Variants in NRG3 observed in about 807,000 individuals in gnomAD.
NRG3 encodes the protein neuregulin 3.
A neutral mutation model predicts 66.9 loss-of-function variants in NRG3; 31 were observed. That is an observed-to-expected ratio of 0.46 (90% CI 0.35 to 0.63). The LOEUF (loss-of-function observed/expected upper bound fraction) is 0.63. Among genes scored for constraint, NRG3 ranks in the 20% least tolerant of loss-of-function variants. NRG3 has a pLI of 0.00. For missense variants in NRG3, 910 were observed against 878.9 expected (o/e 1.04, Z -0.45); for synonymous variants, 393 against 359.4 (o/e 1.09, Z -1.06).
At chr10:82,883,205 T>G (rs541771656) in intron 4 of NRG3, among the ~76,000 whole-genome samples, 5 of 152,324 alleles carry the variant, frequency 3.3e-5, no homozygotes, top group African/African-American at 9.6e-5. Context: ...AGTCATGTTT[T>G]TGTTATTAAA....
rs768945621 is a variant in NRG3, at chr10:82,102,113, C to CAT, written c.823+225961_823+225962dup. ...GTATTCATATATATATATGTGTATT[C>CAT]ATATATATATATGTGTATTCATATA... On this transcript the variant is annotated intron_variant, in intron 1 of 8. Coordinates refer to ENST00000372141, the MANE Select transcript of NRG3 (RefSeq NM_001010848.4). Among the ~76,000 whole-genome samples, 15 of 86,006 alleles carry CAT rather than the reference C, an allele frequency of 1.7e-4. 1 individual carries two copies. Among genetic ancestry groups the CAT allele is most frequent in the Non-Finnish European group, 2.0e-4 (9 of 44,386 alleles). The allele number at this position is 86,006 out of a possible 152,430, so 56.4% of individuals were successfully genotyped here.
intron 4 of NRG3, among the ~76,000 whole-genome samples, chr10:82,912,482 T>C (rs1332182477): frequency 6.6e-6 from 1 of 152,194 alleles, no homozygotes; most frequent in Non-Finnish European, 1.5e-5. Context: ...TCACACCATA[T>C]TATTTTGGAT....
At chr10:82,698,315 A>T (rs2055560367) in intron 2 of NRG3, among the ~76,000 whole-genome samples, 1 of 152,128 alleles carries the variant, frequency 6.6e-6, no homozygotes, top group South Asian at 2.1e-4. Flanking sequence ...CTAGTGTAAA[A>T]CTGGTTAGTG....
chr10:82,928,581 A>G (rs1326097056), intron 4 of NRG3, among the ~76,000 whole-genome samples: 1 of 146,768 alleles, frequency 6.8e-6, no homozygotes, highest in Non-Finnish European at 1.5e-5. Flanking sequence ...TCCCAACACC[A>G]TTTATTTTTA....
At chr10:82,330,469 A>T (rs2082089869) in intron 1 of NRG3, among the ~76,000 whole-genome samples, 1 of 152,184 alleles carries the variant, frequency 6.6e-6, no homozygotes, top group African/African-American at 2.4e-5. Flanking sequence ...ATGAAATTCC[A>T]CTGTATGACT....
At chr10:81,877,849 A>G (rs1291023414) in intron 1 of NRG3, 2 of 1,478,370 alleles carry the variant, frequency 1.4e-6, no homozygotes, top group Non-Finnish European at 1.8e-6. Flanking sequence ...TGTTTTGTAG[A>G]AGGATAAAGG....
chr10:82,406,122 T>C (rs989547054), intron 2 of NRG3, among the ~76,000 whole-genome samples: 8 of 152,136 alleles, frequency 5.3e-5, no homozygotes, highest in Non-Finnish European at 1.0e-4. Context: ...TATGAACAAT[T>C]CATTATAAAG....
intron 1 of NRG3, among the ~76,000 whole-genome samples, chr10:82,319,896 C>T (rs1459913055): frequency 6.6e-6 from 1 of 152,200 alleles, no homozygotes; most frequent in South Asian, 2.1e-4. Context: ...TTGGCTGCAT[C>T]TTCAAGTCAT....
intron 1 of NRG3, chr10:82,232,700 C>T: frequency 4.2e-6 from 3 of 716,048 alleles, no homozygotes; most frequent in Non-Finnish European, 7.8e-6. Flanking sequence ...CAAGAGGAGA[C>T]ACAGGAGAGA....
chr10:82,321,828 C>T (rs1262830070), intron 1 of NRG3, among the ~76,000 whole-genome samples: 1 of 152,160 alleles, frequency 6.6e-6, no homozygotes, highest in Non-Finnish European at 1.5e-5. Context: ...TTTTCTCCCT[C>T]TAGTTAACAT....
At chr10:82,699,564 A>C (rs1285314960) in intron 2 of NRG3, among the ~76,000 whole-genome samples, 1 of 151,654 alleles carries the variant, frequency 6.6e-6, no homozygotes, top group Non-Finnish European at 1.5e-5. Flanking sequence ...TTTTTTTTAT[A>C]CTTGAAAATG....
rs530021189 is a variant in NRG3 at position 82,310,653 on chromosome 10, AT to A, written c.824-48077del. ...AATATGCCCAAAATTTCTTCCAATC[AT>A]TTTTTTTTCATTGCGAAATACCGTA... On this transcript the variant is annotated intron_variant, in intron 1 of 8. Transcript: ENST00000372141. Among the ~76,000 whole-genome samples the A allele has an allele frequency of 6.0e-5, 9 of 151,156 alleles. No homozygotes were observed. In the South Asian group the frequency reaches 1.3e-3, roughly 21 times the overall value.
chr10:82,617,152 TCACA>T (rs963999305), intron 2 of NRG3, among the ~76,000 whole-genome samples: 4 of 149,046 alleles, frequency 2.7e-5, no homozygotes, highest in African/African-American at 7.4e-5. Context: ...CACACACCAC[TCACA>T]CACACACCAC....
chr10:82,940,937 A>T (rs541088190), intron 4 of NRG3, among the ~76,000 whole-genome samples: 3 of 152,316 alleles, frequency 2.0e-5, no homozygotes, highest in Non-Finnish European at 2.9e-5. Flanking sequence ...GGTCATATGC[A>T]TATAGCTACT....
chr10:82,840,116 T>C (rs1182723441), intron 3 of NRG3, among the ~76,000 whole-genome samples: 1 of 152,190 alleles, frequency 6.6e-6, no homozygotes, highest in East Asian at 1.9e-4. Context: ...TTTACTTACT[T>C]AAGTGTAGCA....
intron 2 of NRG3, among the ~76,000 whole-genome samples, chr10:82,381,045 T>C (rs956431578): frequency 3.3e-5 from 5 of 152,244 alleles, no homozygotes; most frequent in African/African-American, 1.2e-4. Flanking sequence ...TGCAGTATGA[T>C]TTCTGTTAGA....
intron 3 of NRG3, among the ~76,000 whole-genome samples, chr10:82,857,281 A>G (rs1448857365): frequency 3.9e-5 from 6 of 152,240 alleles, no homozygotes. Flanking sequence ...TTAGAGAATG[A>G]TAAGAGATTA....
intron 2 of NRG3, among the ~76,000 whole-genome samples, chr10:82,461,606 T>A (rs2091518404): frequency 6.6e-6 from 1 of 152,258 alleles, no homozygotes; most frequent in Admixed American, 6.5e-5. Flanking sequence ...ACTGTTTGCT[T>A]ATTTCACATA....
chr10:82,774,228 T>C (rs1232127772), intron 3 of NRG3, among the ~76,000 whole-genome samples: 6 of 152,320 alleles, frequency 3.9e-5, no homozygotes, highest in Middle Eastern at 3.4e-3. Flanking sequence ...ACATATTGAC[T>C]TCCAGTTTTC....
Sources: allele counts gnomAD v4.1 joint callset (sites outside exome capture counted in the v4.1 genomes callset), GRCh38; gene constraint gnomAD v4.1.1; transcripts MANE v1.5; gene names NCBI Gene and HGNC (gene_info 2026-07-23, HGNC 2026-07-21).